CNTN1: variants seen among roughly 807,000 people sequenced by gnomAD.
CNTN1 encodes contactin 1.
Under a neutral mutation model 126.4 loss-of-function variants are expected in CNTN1, and 38 were observed. That is an observed-to-expected ratio of 0.30 (90% CI 0.23 to 0.39). CNTN1 has a LOEUF of 0.39. Ranked by LOEUF, CNTN1 falls within the 10% of genes least tolerant of loss-of-function variation. The pLI, the probability that CNTN1 is intolerant of heterozygous loss-of-function variation, is 1.00. For synonymous variants in CNTN1, 413 were observed against 422.6 expected, an observed-to-expected ratio of 0.98 and a Z score of 0.28; for missense variants, 1,009 against 1,248.4, an observed-to-expected ratio of 0.81 and a Z score of 2.89.
At chr12:41,022,416 T>C (rs1439071196) in intron 20 of CNTN1, among the ~76,000 whole-genome samples, 1 of 152,240 alleles carries the variant, frequency 6.6e-6, no homozygotes, top group Non-Finnish European at 1.5e-5. Flanking sequence ...TGGGTTTATA[T>C]TTCAGCTCTG....
intron 7 of CNTN1, among the ~76,000 whole-genome samples, chr12:40,932,069 C>A (rs1231230067): frequency 2.0e-5 from 3 of 151,836 alleles, no homozygotes; most frequent in African/African-American, 7.3e-5. Context: ...TTTAAAAATG[C>A]CAGCAAGGTC....
At chr12:40,828,627 C>A (rs1036793856) in intron 1 of CNTN1, among the ~76,000 whole-genome samples, 1 of 152,120 alleles carries the variant, frequency 6.6e-6, no homozygotes, top group Admixed American at 6.6e-5. Flanking sequence ...AGTTTTAGCA[C>A]GGCTGTGGCA....
intron 1 of CNTN1, among the ~76,000 whole-genome samples, chr12:40,778,766 A>G (rs775551315): frequency 1.3e-5 from 2 of 151,832 alleles, no homozygotes; most frequent in African/African-American, 2.4e-5. Context: ...AATATTTCCT[A>G]TAAGAAATTG....
chr12:41,011,489 A>G (rs961729409), intron 17 of CNTN1, among the ~76,000 whole-genome samples: 3 of 152,188 alleles, frequency 2.0e-5, no homozygotes, highest in Admixed American at 2.0e-4. Context: ...TGGGAGAAAG[A>G]CAGTGGGGGT....
At chr12:40,814,541 C>A (rs558486645) in intron 1 of CNTN1, among the ~76,000 whole-genome samples, 1 of 152,042 alleles carries the variant, frequency 6.6e-6, no homozygotes, top group Non-Finnish European at 1.5e-5. Flanking sequence ...CTCTATTCTG[C>A]TCCATTGGTC....
intron 1 of CNTN1, among the ~76,000 whole-genome samples, chr12:40,874,960 T>A (rs1943620056): frequency 6.6e-6 from 1 of 152,088 alleles, no homozygotes; most frequent in Non-Finnish European, 1.5e-5. Flanking sequence ...GTACATGGTG[T>A]TCCTGGAAAT....
At chr12:40,978,599 C>A (rs909300688) in intron 15 of CNTN1, 2 of 152,060 alleles carry the variant, frequency 1.3e-5, no homozygotes, top group African/African-American at 4.8e-5. Flanking sequence ...TCCGAGAAAA[C>A]AATGGACAAG....
intron 13 of CNTN1, 51 bp downstream of exon 13, chr12:40,943,775 T>G (rs1378873444): frequency 6.3e-7 from 1 of 1,593,564 alleles, no homozygotes; most frequent in Non-Finnish European, 8.6e-7. Context: ...AAAAACATGA[T>G]TCAGCACTAA....
At chr12:40,790,690 GA>G (rs1434841289) in intron 1 of CNTN1, among the ~76,000 whole-genome samples, 2 of 152,020 alleles carry the variant, frequency 1.3e-5, no homozygotes, top group African/African-American at 4.8e-5. Flanking sequence ...AATCTTAGGG[GA>G]GAATTTTCTG....
intron 10 of CNTN1, 126 bp from the exon 11 acceptor site, chr12:40,937,444 T>C (rs1565989272): frequency 2.8e-6 from 2 of 718,176 alleles, no homozygotes; most frequent in East Asian, 2.7e-5. Context: ...ACTCAGTTCA[T>C]CTTAGGTAAC....
At position 40,765,503 on chromosome 12, in the gene CNTN1, A is replaced by C. The variant is rs376305325; in HGVS notation, c.-77+72911A>C. Among the ~76,000 whole-genome samples the C allele has an allele frequency of 5.8e-4, 88 of 152,346 alleles. No individual in the cohort carries two copies. The South Asian group carries it at 8.9e-3, about 15-fold the overall frequency. On this transcript the variant is annotated intron_variant, in intron 1 of 23. Transcript: ENST00000551295. ...AGAGATAGAACAGAGGCAAAGGAAC[A>C]AGCAAAGGAGAACAAGAATGAGTCT... is the stretch of plus-strand genomic sequence containing the variant.
At chr12:40,845,559 G>A (rs192963215) in intron 1 of CNTN1, among the ~76,000 whole-genome samples, 31 of 151,804 alleles carry the variant, frequency 2.0e-4, no homozygotes, top group Admixed American at 1.8e-3. Flanking sequence ...TAATGAGATG[G>A]TGTTGAATAA....
chr12:40,723,970 C>T (rs1274076536), intron 1 of CNTN1, among the ~76,000 whole-genome samples: 1 of 152,078 alleles, frequency 6.6e-6, no homozygotes, highest in African/African-American at 2.4e-5. Flanking sequence ...AAAGGAGAAG[C>T]AGAGACAGAG....
chr12:40,892,206 A>AATG (rs1353637834), intron 1 of CNTN1, among the ~76,000 whole-genome samples: 7 of 152,082 alleles, frequency 4.6e-5, no homozygotes, highest in Non-Finnish European at 1.0e-4. Context: ...TCTGAAGGTG[A>AATG]ATGATGTATA....
At chr12:40,924,070 T>C (rs1438037571) in intron 5 of CNTN1, among the ~76,000 whole-genome samples, 1 of 152,116 alleles carries the variant, frequency 6.6e-6, no homozygotes, top group African/African-American at 2.4e-5. Flanking sequence ...AGAGATTGGT[T>C]ACTTTCACGT....
intron 1 of CNTN1, among the ~76,000 whole-genome samples, chr12:40,795,396 GAC>G (rs1257179477): frequency 4.1e-5 from 6 of 147,360 alleles, no homozygotes; most frequent in African/African-American, 1.3e-4. Flanking sequence ...GGCTCACTGC[GAC>G]ACACACATTT....
chr12:40,939,618 T>G (rs911300838), intron 12 of CNTN1, 133 bp downstream of exon 12: 1 of 920,660 alleles, frequency 1.1e-6, no homozygotes. Flanking sequence ...ATCCTGTAGT[T>G]CTAAGATGGA....
intron 1 of CNTN1, among the ~76,000 whole-genome samples, chr12:40,797,618 AATG>A (rs1191932215): frequency 6.6e-5 from 10 of 152,098 alleles, no homozygotes; most frequent in Non-Finnish European, 1.3e-4. Flanking sequence ...GCTAGTAAAT[AATG>A]ATGACACTGA....
chr12:41,067,525 C>A (rs540016551), intron 23 of CNTN1, among the ~76,000 whole-genome samples: 1 of 150,290 alleles, frequency 6.7e-6, no homozygotes, highest in East Asian at 2.0e-4. Flanking sequence ...GAACAAAAAA[C>A]CAAACACCGC....
Sources: gnomAD v4.1 joint callset for allele counts (sites outside exome capture counted in the v4.1 genomes callset) on GRCh38, gnomAD v4.1.1 for gene constraint, MANE v1.5 for transcripts, NCBI Gene and HGNC (gene_info 2026-07-23, HGNC 2026-07-21) for gene names.